Variants in SLC26A7 observed in about 807,000 individuals in gnomAD.
SLC26A7 encodes the protein solute carrier family 26 member 7, also known as anion exchange transporter.
SLC26A7 carries 59 observed loss-of-function variants against 82.5 expected under a neutral mutation model. The observed-to-expected ratio is 0.72, with a 90% CI of 0.58 to 0.89. SLC26A7 has a LOEUF of 0.89. SLC26A7 is among the 40% of genes least tolerant of loss of function. The pLI is 0.00. For synonymous variants in SLC26A7, 271 were observed against 274.3 expected, an observed-to-expected ratio of 0.99 and a Z score of 0.12; for missense variants, 820 against 793.0, an observed-to-expected ratio of 1.03 and a Z score of -0.41.
intron 10 of SLC26A7, 94 bp from the exon 11 acceptor site, chr8:91,352,807 C>G (rs1028478204): frequency 1.0e-6 from 1 of 1,004,660 alleles, no homozygotes; most frequent in Non-Finnish European, 1.5e-6. Context: ...CTATTAAGTA[C>G]TTTAAAAACA....
chr8:91,231,453 C>G (rs10108620), intron 2 of SLC26A7, among the ~76,000 whole-genome samples: 1 of 152,092 alleles, frequency 6.6e-6, no homozygotes, highest in Non-Finnish European at 1.5e-5. Context: ...AAATCACACA[C>G]GGGGAGCCTG....
intron 4 of SLC26A7, among the ~76,000 whole-genome samples, chr8:91,298,347 A>C (rs889667746): frequency 6.6e-6 from 1 of 152,146 alleles, no homozygotes; most frequent in African/African-American, 2.4e-5. Flanking sequence ...CTATCTCTTC[A>C]ATTTTAACTT....
chr8:91,319,766 C>T (rs923447763), intron 5 of SLC26A7, among the ~76,000 whole-genome samples: 4 of 152,172 alleles, frequency 2.6e-5, no homozygotes, highest in Admixed American at 1.3e-4. Flanking sequence ...GCCTGCTTGT[C>T]GGCACATGTG....
intron 15 of SLC26A7, among the ~76,000 whole-genome samples, chr8:91,373,619 A>C (rs1376380308): frequency 5.3e-5 from 8 of 151,854 alleles, no homozygotes; most frequent in Admixed American, 5.2e-4. Context: ...TGCTGCATTC[A>C]CTTTGCTAGT....
In SLC26A7 at chr8:91,316,451, A is replaced by AT. The variant is rs58981485; in HGVS notation, c.478-1726dup. Among the ~76,000 whole-genome samples, 156 of 34,420 alleles carry AT rather than the reference A, an allele frequency of 4.5e-3. 23 individuals are homozygous for AT. The highest frequency in any genetic ancestry group is 6.6e-3 in the African/African-American group (59 of 8,980). The allele number at this position is 34,420 out of a possible 152,430, so 22.6% of individuals were successfully genotyped here. On this transcript the variant is annotated intron_variant, in intron 4 of 18. Coordinates refer to ENST00000276609, the MANE Select transcript of SLC26A7 (RefSeq NM_052832.4). ...GAACTCGCTGCCACACTCAACACTA[A>AT]TTTTTTTTTTTTTTTTTTTTTTTTT...
chr8:91,297,004 G>A (rs897561114), intron 4 of SLC26A7, among the ~76,000 whole-genome samples: 1 of 151,982 alleles, frequency 6.6e-6, no homozygotes, highest in Non-Finnish European at 1.5e-5. Context: ...CCTTGGATTT[G>A]GCATAGGTTT....
intron 9 of SLC26A7, among the ~76,000 whole-genome samples, chr8:91,350,351 T>A (rs1018887759): frequency 6.6e-6 from 1 of 151,992 alleles, no homozygotes; most frequent in Admixed American, 6.6e-5. Flanking sequence ...AGGTTTCTTT[T>A]TTTTTTTAAA....
rs145037980 is a variant in SLC26A7, at chr8:91,260,262, A to T, written c.193+10418A>T. ...CAGGAGAGAGAAGAGAGCAAGGGAAACTGCTATTTATAAAACCATCAGATC... is the reference window on the plus strand; with the variant it reads ...CAGGAGAGAGAAGAGAGCAAGGGAATCTGCTATTTATAAAACCATCAGATC... On this transcript the variant is annotated intron_variant, in intron 2 of 18. Transcript: ENST00000276609. 8.5e-5 allele frequency among the ~76,000 whole-genome samples: 13 copies of T among 152,214 alleles called. No individual in the cohort carries two copies. The East Asian group carries it at 2.5e-3, about 30-fold the overall frequency.
At chr8:91,261,258 C>T (rs532156789) in intron 2 of SLC26A7, among the ~76,000 whole-genome samples, 39 of 152,148 alleles carry the variant, frequency 2.6e-4, no homozygotes, top group African/African-American at 6.7e-4. Context: ...TCTTGGAAAG[C>T]GATAGAGGAG....
At chr8:91,348,388 C>T (rs554565992) in intron 9 of SLC26A7, 11 of 982,676 alleles carry the variant, frequency 1.1e-5, no homozygotes, top group Admixed American at 6.1e-5. Context: ...CTACTCCCAA[C>T]GAAATATCTA....
Position 91,277,104 on chromosome 8 carries a change from C to T in SLC26A7, c.194-12032C>T, listed in dbSNP as rs150712183. Among the ~76,000 whole-genome samples, 664 of 152,268 alleles carry T rather than the reference C, an allele frequency of 4.4e-3. 4 individuals carry two copies. Among genetic ancestry groups the T allele is most frequent in the African/African-American group, 0.015 (603 of 41,552 alleles). On this transcript the variant is annotated intron_variant, in intron 2 of 18. Coordinates refer to ENST00000276609, the MANE Select transcript of SLC26A7 (RefSeq NM_052832.4). ...TGTGTGTCCTTCTCCCTGGCTTGAACTTCCAGTGATTTCTTCATTGCCAGC... is the reference window on the plus strand; with the variant it reads ...TGTGTGTCCTTCTCCCTGGCTTGAATTTCCAGTGATTTCTTCATTGCCAGC...
At chr8:91,394,301 A>C in intron 18 of SLC26A7, 1 of 1,612,416 alleles carries the variant, frequency 6.2e-7, no homozygotes, top group Middle Eastern at 1.6e-4. Context: ...TATCATTTGC[A>C]AACTGCTTAC....
At chr8:91,362,763 A>G (rs1287969156) in intron 12 of SLC26A7, among the ~76,000 whole-genome samples, 16 of 152,100 alleles carry the variant, frequency 1.1e-4, no homozygotes, top group Non-Finnish European at 8.8e-5. Flanking sequence ...AGATTTCTTT[A>G]AATTAAGTGA....
intron 4 of SLC26A7, among the ~76,000 whole-genome samples, chr8:91,316,245 TC>T (rs1386097167): frequency 6.6e-6 from 1 of 152,080 alleles, no homozygotes; most frequent in Non-Finnish European, 1.5e-5. Flanking sequence ...CCCTCCGATT[TC>T]TTTAAGAGTT....
At chr8:91,220,494 C>T (rs909008966) in intron 2 of SLC26A7, among the ~76,000 whole-genome samples, 2 of 151,948 alleles carry the variant, frequency 1.3e-5, no homozygotes, top group African/African-American at 2.4e-5. Context: ...TATAAGTCCC[C>T]TCCCCTCATC....
chr8:91,274,472 G>A (rs983285216), intron 2 of SLC26A7, among the ~76,000 whole-genome samples: 1 of 152,150 alleles, frequency 6.6e-6, no homozygotes, highest in Non-Finnish European at 1.5e-5. Context: ...GAAACAGAGA[G>A]CAAGAGAATG....
intron 11 of SLC26A7, among the ~76,000 whole-genome samples, chr8:91,356,432 G>A (rs569791256): frequency 0.03 from 4,517 of 152,108 alleles, 68 homozygotes; most frequent in Non-Finnish European, 0.035. Flanking sequence ...TAACTGGTGT[G>A]AGATGGTATC....
At chr8:91,273,549 T>C (rs1266035218) in intron 2 of SLC26A7, among the ~76,000 whole-genome samples, 1 of 152,176 alleles carries the variant, frequency 6.6e-6, no homozygotes, top group Non-Finnish European at 1.5e-5. Flanking sequence ...TTAAAATGTA[T>C]ATATGAGACA....
At chr8:91,344,626 T>A (rs182393640) in intron 9 of SLC26A7, among the ~76,000 whole-genome samples, 4 of 152,310 alleles carry the variant, frequency 2.6e-5, no homozygotes, top group Non-Finnish European at 1.5e-5. Context: ...TATCATAGAG[T>A]ACATGAAAGG....
Sources: gnomAD v4.1 joint callset for allele counts (sites outside exome capture counted in the v4.1 genomes callset) on GRCh38, gnomAD v4.1.1 for gene constraint, MANE v1.5 for transcripts, NCBI Gene and HGNC (gene_info 2026-07-23, HGNC 2026-07-21) for gene names.